The following FRAS1 variants were observed in gnomAD, a reference collection of about 807,000 sequenced individuals.
The protein encoded by FRAS1 is extracellular matrix organizing protein FRAS1.
In FRAS1, 290 loss-of-function variants were observed where a neutral mutation model predicts 435.2. The observed-to-expected ratio is 0.67, with a 90% confidence interval of 0.61 to 0.73. FRAS1 has a LOEUF of 0.73. Among genes scored for constraint, FRAS1 ranks in the 30% least tolerant of loss-of-function variants. The pLI, the probability that FRAS1 is intolerant of heterozygous loss-of-function variation, is 0.00. For synonymous variants in FRAS1, 1,800 were observed against 1,851.0 expected, an observed-to-expected ratio of 0.97 and a Z score of 0.71; for missense variants, 4,860 against 5,001.5, an observed-to-expected ratio of 0.97 and a Z score of 0.85.
intron 50 of FRAS1, among the ~76,000 whole-genome samples, chr4:78,468,603 G>A (rs564643113): frequency 1.4e-4 from 21 of 152,216 alleles, no homozygotes; most frequent in African/African-American, 4.1e-4. Flanking sequence ...TAAAGGAATC[G>A]CTGTCTTCTA....
At chr4:78,255,191 G>A (rs1345254634) in intron 5 of FRAS1, 51 bp from the exon 6 acceptor site, 4 of 1,546,612 alleles carry the variant, frequency 2.6e-6, no homozygotes, top group Admixed American at 3.9e-5. Context: ...GTCAGCCCTG[G>A]GATCAACAAA....
At chr4:78,084,068 GA>G (rs1327804486) in intron 2 of FRAS1, among the ~76,000 whole-genome samples, 1 of 151,978 alleles carries the variant, frequency 6.6e-6, no homozygotes, top group East Asian at 1.9e-4. Context: ...CACCAAAAGG[GA>G]TCAGTGAGGT....
At chr4:78,113,647 T>C (rs1742899603) in intron 2 of FRAS1, among the ~76,000 whole-genome samples, 2 of 152,264 alleles carry the variant, frequency 1.3e-5, no homozygotes. Flanking sequence ...TGTCTGTTCA[T>C]ATCCTTTGCC....
chr4:78,258,465 G>T (rs1725900920), intron 6 of FRAS1, among the ~76,000 whole-genome samples: 1 of 151,538 alleles, frequency 6.6e-6, no homozygotes, highest in Admixed American at 6.6e-5. Flanking sequence ...CTAAAATTTG[G>T]AAGGACTATA....
chr4:78,495,295 T>A (rs1482413450), intron 59 of FRAS1, among the ~76,000 whole-genome samples: 2 of 62,114 alleles, frequency 3.2e-5, no homozygotes, highest in East Asian at 0.043. Flanking sequence ...TTGAGTATGG[T>A]GTTCTTGATC....
In FRAS1 at chr4:78,464,066, A is replaced by C; in HGVS notation, c.6809A>C (p.Asn2270Thr). ...ACTCAAGCTGATCTGACTTCACGAAATGTTCAGTATGTCCATTCTAGTGAG... is the reference window on the plus strand; with the variant it reads ...ACTCAAGCTGATCTGACTTCACGAACTGTTCAGTATGTCCATTCTAGTGAG... ...SFTQADLTSRNVQYVHSSEAE... is the reference protein window; with the variant it reads ...SFTQADLTSRTVQYVHSSEAE... The change falls in exon 48 of 74, where the codon AAT becomes ACT. Residue 2270 changes from asparagine (N) to threonine (T), a missense_variant. Asn to Thr is a moderately conservative substitution (Grantham distance 65). Transcript: ENST00000512123. 4.3e-6 allele frequency: 7 copies of C among 1,613,748 alleles called. No homozygotes were observed. The highest frequency in any genetic ancestry group is 5.9e-6 in the Non-Finnish European group (7 of 1,179,812).
intron 2 of FRAS1, among the ~76,000 whole-genome samples, chr4:78,193,388 A>G (rs1235270694): frequency 6.6e-6 from 1 of 152,122 alleles, no homozygotes; most frequent in Non-Finnish European, 1.5e-5. Context: ...GTTTCCCATT[A>G]TTATTGTGTG....
At chr4:78,465,699 C>CT in intron 49 of FRAS1, among the ~76,000 whole-genome samples, 1 of 75,896 alleles carries the variant, frequency 1.3e-5, no homozygotes, top group South Asian at 4.2e-4. Flanking sequence ...GAGGGCCATG[C>CT]TGGCCCTGGT....
In FRAS1 at chr4:78,399,335, C is replaced by G. The variant is rs111883703; in HGVS notation, c.3976-1399C>G. On this transcript the variant is annotated intron_variant, in intron 29 of 73. Transcript: ENST00000512123. ...TGTTTTCTTTTCAGAGTATTCTTCT[C>G]CTGGGAGTGGTGTTTGCTCTGTTCC... Among the ~76,000 whole-genome samples the G allele has an allele frequency of 7.2e-4, 110 of 152,228 alleles. 1 individual carries two copies. In the Middle Eastern group the frequency reaches 0.027, roughly 38 times the overall value.
chr4:78,372,653 A>G (rs1292053230), intron 23 of FRAS1, 65 bp from the exon 24 acceptor site: 3 of 1,591,332 alleles, frequency 1.9e-6, no homozygotes, highest in Non-Finnish European at 1.7e-6. Flanking sequence ...GAGTCCTCAT[A>G]AATGAACTGC....
At position 78,377,030 on chromosome 4, in the gene FRAS1, T is replaced by G. The variant is rs528359213; in HGVS notation, c.3292+1151T>G. 2.0e-5 allele frequency among the ~76,000 whole-genome samples: 3 copies of G among 152,084 alleles called. No homozygotes were observed. In the East Asian group the frequency reaches 5.8e-4, roughly 29 times the overall value. Reference sequence around the variant, plus strand: ...TAATAATAGGTAACATGTTAAGAAATGAAGCCATTCTCTTCCAACACATTA... The same window carrying G: ...TAATAATAGGTAACATGTTAAGAAAGGAAGCCATTCTCTTCCAACACATTA... On this transcript the variant is annotated intron_variant, in intron 26 of 73. Transcript: ENST00000512123.
chr4:78,225,305 G>A (rs1046822517), intron 2 of FRAS1, among the ~76,000 whole-genome samples: 2 of 152,170 alleles, frequency 1.3e-5, no homozygotes, highest in Non-Finnish European at 2.9e-5. Context: ...TTAAGTTAGG[G>A]AACTACATTT....
At chr4:78,195,570 C>G (rs907432713) in intron 2 of FRAS1, among the ~76,000 whole-genome samples, 4 of 152,198 alleles carry the variant, frequency 2.6e-5, no homozygotes, top group Non-Finnish European at 5.9e-5. Flanking sequence ...ACCCTTCGAG[C>G]CAGGCGTGGG....
At position 78,513,358 on chromosome 4, in the gene FRAS1, A is replaced by G. The variant is rs372240615; in HGVS notation, c.10014-34A>G. ...GTCCTATTGACCATTTATAGCAGTC[A>G]GCTAAACATTTATTTCTGCCTTTTT... On this transcript the variant is annotated intron_variant, in intron 64 of 73. Coordinates refer to ENST00000512123, the MANE Select transcript of FRAS1 (RefSeq NM_025074.7). 2.0e-4 allele frequency: 317 copies of G among 1,608,978 alleles called. 2 individuals are homozygous for G. The East Asian group carries it at 3.7e-3, about 19-fold the overall frequency.
chr4:78,239,096 C>G, intron 3 of FRAS1, among the ~76,000 whole-genome samples: 1 of 152,156 alleles, frequency 6.6e-6, no homozygotes, highest in Non-Finnish European at 1.5e-5. Context: ...CCATGTAGAC[C>G]ATGTGTGACT....
rs35170587 is a variant in FRAS1 at position 78,200,242 on chromosome 4, G to T, written c.109-37268G>T. Among the ~76,000 whole-genome samples, 813 of 152,316 alleles carry T rather than the reference G, an allele frequency of 5.3e-3. 4 individuals are homozygous for T. Among genetic ancestry groups the T allele is most frequent in the Non-Finnish European group, 9.8e-3 (669 of 68,020 alleles). On this transcript the variant is annotated intron_variant, in intron 2 of 73. Coordinates refer to ENST00000512123, the MANE Select transcript of FRAS1 (RefSeq NM_025074.7). Reference sequence around the variant, plus strand: ...GCTGTAGTTGTTACTACTGTAAATAGATGTCAAGTTAACCAAAAATGAAAA... The same window carrying T: ...GCTGTAGTTGTTACTACTGTAAATATATGTCAAGTTAACCAAAAATGAAAA...
Position 78,507,457 on chromosome 4 carries a change from C to T in FRAS1, c.9353C>T (p.Ser3118Phe), listed in dbSNP as rs778398446. The T allele has an allele frequency of 6.2e-7, 1 of 1,612,074 alleles. No individual in the cohort carries two copies. Among genetic ancestry groups the T allele is most frequent in the East Asian group, 2.2e-5 (1 of 44,730 alleles). ...ATCTTTTTTAAAGTTGAGATCCTGTCCAATGAAGACCGGGAATGGCATGAA... is the reference window on the plus strand; with the variant it reads ...ATCTTTTTTAAAGTTGAGATCCTGTTCAATGAAGACCGGGAATGGCATGAA... The part of the protein sequence containing the change: ...DHIFFKVEIL[S>F]NEDREWHESF... The change falls in exon 62 of 74, where the codon TCC (serine) becomes TTC (phenylalanine). Residue 3118 changes from serine to phenylalanine, a missense_variant. Ser to Phe is a radical substitution (Grantham distance 155). Transcript: ENST00000512123.
chr4:78,177,540 T>C (rs1721827506), intron 2 of FRAS1, among the ~76,000 whole-genome samples: 1 of 152,158 alleles, frequency 6.6e-6, no homozygotes, highest in African/African-American at 2.4e-5. Context: ...TGTTCTCTCA[T>C]TGAGTTAAAG....
intron 47 of FRAS1, among the ~76,000 whole-genome samples, chr4:78,457,644 C>T (rs150564870): frequency 3.3e-5 from 5 of 152,342 alleles, no homozygotes; most frequent in South Asian, 2.1e-4. Flanking sequence ...GACGTACCCA[C>T]GAAAGTGAGT....
Sources: allele counts gnomAD v4.1 joint callset (sites outside exome capture counted in the v4.1 genomes callset), GRCh38; gene constraint gnomAD v4.1.1; transcripts MANE v1.5; gene names NCBI Gene and HGNC (gene_info 2026-07-23, HGNC 2026-07-21).